The following CPXM2 variants were observed in gnomAD, a reference collection of about 807,000 sequenced individuals.
CPXM2 encodes carboxypeptidase X, M14 family member 2.
CPXM2 carries 66 observed loss-of-function variants against 86.1 expected under a neutral mutation model. The observed-to-expected ratio is 0.77, with a 90% CI of 0.63 to 0.94. The LOEUF (loss-of-function observed/expected upper bound fraction) is 0.94. Among genes scored for constraint, CPXM2 ranks in the 40% least tolerant of loss-of-function variants. The pLI, the probability that CPXM2 is intolerant of heterozygous loss-of-function variation, is 0.00. For synonymous variants in CPXM2, 388 were observed against 400.2 expected (o/e 0.97, Z 0.36); for missense variants, 948 against 1,026.3 (o/e 0.92, Z 1.04).
chr10:123,763,680 T>C (rs1846400595), intron 10 of CPXM2, among the ~76,000 whole-genome samples: 4 of 152,252 alleles, frequency 2.6e-5, no homozygotes, highest in Admixed American at 2.6e-4. Flanking sequence ...TCCAGGCTTT[T>C]TTCACTTCAA....
chr10:123,921,711 T>C (rs1945580635), intron 2 of CPXM2, among the ~76,000 whole-genome samples: 2 of 152,264 alleles, frequency 1.3e-5, no homozygotes, highest in South Asian at 2.1e-4. Context: ...TACAGGGTAA[T>C]AGAGACAGCC....
chr10:123,843,379 G>C (rs1848427665), intron 3 of CPXM2: 1 of 403,636 alleles, frequency 2.5e-6, no homozygotes, highest in Non-Finnish European at 4.8e-6. Flanking sequence ...TTTGAACCAA[G>C]TGAAGCATCC....
At chr10:123,821,647 C>T (rs1847926291) in intron 4 of CPXM2, among the ~76,000 whole-genome samples, 1 of 152,142 alleles carries the variant, frequency 6.6e-6, no homozygotes, top group African/African-American at 2.4e-5. Context: ...CAATGGCTGT[C>T]AAATGGGGGT....
At chr10:123,796,029 G>A (rs1349262677) in intron 6 of CPXM2, among the ~76,000 whole-genome samples, 1 of 152,166 alleles carries the variant, frequency 6.6e-6, no homozygotes, top group Non-Finnish European at 1.5e-5. Flanking sequence ...GGCATCAAGA[G>A]GGCCAGAGCC....
At chr10:123,880,893 G>T (rs555334178) in intron 1 of CPXM2, among the ~76,000 whole-genome samples, 1 of 149,506 alleles carries the variant, frequency 6.7e-6, no homozygotes. Context: ...CCCTCACTGA[G>T]GCCCAGAGAC....
chr10:123,943,880 G>A (rs905075709), upstream of CPXM2, among the ~76,000 whole-genome samples: 1 of 152,172 alleles, frequency 6.6e-6, no homozygotes, highest in African/African-American at 2.4e-5. Context: ...GAATAGAAGG[G>A]GGATCTGTGT....
chr10:123,931,770 C>G (rs951803298), intron 2 of CPXM2, among the ~76,000 whole-genome samples: 8 of 152,332 alleles, frequency 5.3e-5, no homozygotes, highest in Admixed American at 5.2e-4. Context: ...ATCAGACTCT[C>G]AGTCCACCAA....
At position 123,780,155 on chromosome 10, in the gene CPXM2, T is replaced by C. The variant is rs1846898905; in HGVS notation, c.978+12A>G. 1.3e-6 allele frequency: 2 copies of C among 1,551,082 alleles called. No individual in the cohort carries two copies. The highest frequency in any genetic ancestry group is 1.8e-6 in the Non-Finnish European group (2 of 1,122,564). ...AAATTCCTGGCATGAGGCTTTGTGATCTGGGTCTTACCTGGCGCATTTCCT... is the reference window on the plus strand; with the variant it reads ...AAATTCCTGGCATGAGGCTTTGTGACCTGGGTCTTACCTGGCGCATTTCCT... On this transcript the variant is annotated intron_variant, in intron 7 of 13. Transcript: ENST00000241305.
chr10:123,926,055 T>C (rs897856420), intron 2 of CPXM2, among the ~76,000 whole-genome samples: 1 of 152,230 alleles, frequency 6.6e-6, no homozygotes, highest in Non-Finnish European at 1.5e-5. Context: ...AAGCCTGCCC[T>C]CTTCCACAGG....
intron 2 of CPXM2, among the ~76,000 whole-genome samples, chr10:123,908,295 GA>G (rs1945460736): frequency 6.6e-6 from 1 of 152,156 alleles, no homozygotes. Context: ...GAAAGACTAG[GA>G]AGTGAGAACA....
At position 123,875,798 on chromosome 10, in the gene CPXM2, CTTTTCTTTCTTTTT is replaced by C. The variant is rs1293024815; in HGVS notation, c.403+4399_403+4412del. Among the ~76,000 whole-genome samples, 141 of 108,028 alleles carry C rather than the reference CTTTTCTTTCTTTTT, an allele frequency of 1.3e-3. 1 individual carries two copies. In the Middle Eastern group the frequency reaches 0.014, roughly 11 times the overall value. 70.9% of individuals were successfully genotyped at this position (108,028 alleles called of 152,430 possible). A position where few individuals can be genotyped will look rare whatever the true frequency, so the allele number is the denominator to read the frequency against. ...TCCTGGTAGGAGATCATGTTTCTTT[CTTTTCTTTCTTTTT>C]TTTTTTTTTTTTTTTTTTTGGTGGG... On this transcript the variant is annotated intron_variant, in intron 2 of 13. Transcript: ENST00000241305.
intron 2 of CPXM2, among the ~76,000 whole-genome samples, chr10:123,921,360 T>C (rs1945578407): frequency 6.6e-6 from 1 of 152,240 alleles, no homozygotes; most frequent in Admixed American, 6.5e-5. Context: ...CTTAAAGTTC[T>C]TAATTCTGTT....
At chr10:123,843,736 G>A (rs1447855306) in intron 3 of CPXM2, among the ~76,000 whole-genome samples, 1 of 152,172 alleles carries the variant, frequency 6.6e-6, no homozygotes, top group Non-Finnish European at 1.5e-5. Context: ...AGGTTCTGCT[G>A]AGCAAAACTC....
At position 123,761,986 on chromosome 10, in the gene CPXM2, A is replaced by G. The variant is rs776419928; in HGVS notation, c.1663T>C (p.Tyr555His). The G allele has an allele frequency of 6.2e-6, 10 of 1,613,662 alleles. No homozygotes were observed. Among genetic ancestry groups the G allele is most frequent in the Non-Finnish European group, 8.5e-6 (10 of 1,179,812 alleles). The change falls in exon 11 of 14, where the codon TAT (tyrosine) becomes CAT (histidine). Residue 555 changes from tyrosine to histidine, a missense_variant. By Grantham distance (83) the Tyr-to-His change is moderately conservative. Transcript: ENST00000241305. ...DHVFRWLAYS[Y>H]ASTHRLMTDA... ...GTCATGAGGCGGTGTGTGGAGGCAT[A>G]GGAGTAGGCCAGCCAGCGGAACACG...
Position 123,865,607 on chromosome 10 carries a change from C to T in CPXM2, c.404-2884G>A, listed in dbSNP as rs1848958019. Among the ~76,000 whole-genome samples the T allele has an allele frequency of 1.3e-5, 2 of 152,158 alleles. No homozygotes were observed. The highest frequency in any genetic ancestry group is 2.9e-5 in the Non-Finnish European group (2 of 68,030). ...TTCCACTCAACCTCACGCATGCCTC[C>T]AGAGAGGGCCTGACTCACCTGGTCC... On this transcript the variant is annotated intron_variant, in intron 2 of 13. Transcript: ENST00000241305. This position sits in a 1 kb window ranked among gnomAD's most constrained non-coding sequence, Gnocchi z 4.7.
chr10:123,807,483 T>A (rs766842080), intron 4 of CPXM2, among the ~76,000 whole-genome samples: 4 of 152,206 alleles, frequency 2.6e-5, no homozygotes, highest in Non-Finnish European at 4.4e-5. Flanking sequence ...CTCCTCTCCC[T>A]GCAGCTACTA....
intron 2 of CPXM2, among the ~76,000 whole-genome samples, chr10:123,908,466 A>T (rs769241168): frequency 9.2e-5 from 14 of 152,202 alleles, no homozygotes; most frequent in Non-Finnish European, 1.9e-4. Flanking sequence ...CTCATGCCAG[A>T]GCCAGACCCC....
intron 1 of CPXM2, among the ~76,000 whole-genome samples, chr10:123,882,184 C>A (rs1007503295): frequency 1.3e-5 from 2 of 152,154 alleles, no homozygotes; most frequent in African/African-American, 2.4e-5. Context: ...TTGTTATATT[C>A]TTGGGTGGTA....
chr10:123,778,852 T>A (rs1322513761), intron 7 of CPXM2, among the ~76,000 whole-genome samples: 1 of 152,160 alleles, frequency 6.6e-6, no homozygotes, highest in African/African-American at 2.4e-5. Context: ...TTCACAGCCC[T>A]CAAGTCCAAA....
Sources: allele counts gnomAD v4.1 joint callset (sites outside exome capture counted in the v4.1 genomes callset), GRCh38; gene constraint gnomAD v4.1.1; non-coding constraint Gnocchi (gnomAD v3.1); transcripts MANE v1.5; gene names NCBI Gene and HGNC (gene_info 2026-07-23, HGNC 2026-07-21).